The following ACER3 variants were observed in gnomAD, a reference collection of about 807,000 sequenced individuals.
ACER3 encodes alkaline ceramidase 3.
Under a neutral mutation model 48.9 loss-of-function variants are expected in ACER3, and 16 were observed. That is an observed-to-expected ratio of 0.33 (90% CI 0.22 to 0.50). The LOEUF is 0.50. Among genes scored for constraint, ACER3 ranks in the 20% least tolerant of loss-of-function variants. The probability of loss-of-function intolerance (pLI) is 0.98; values close to 1 mark genes in which losing one functional copy is unlikely to be tolerated. For synonymous variants in ACER3, 109 were observed against 107.8 expected, an observed-to-expected ratio of 1.01 and a Z score of -0.07; for missense variants, 227 against 326.0, an observed-to-expected ratio of 0.70 and a Z score of 2.34.
At chr11:77,019,614 C>T (rs1949437220) in intron 9 of ACER3, 117 bp from the exon 10 acceptor site, 2 of 893,682 alleles carry the variant, frequency 2.2e-6, no homozygotes, top group South Asian at 1.5e-5. Context: ...GAAGCATATA[C>T]TCATGTTGTT....
At chr11:76,931,090 G>A (rs1346298243) in intron 2 of ACER3, among the ~76,000 whole-genome samples, 8 of 141,530 alleles carry the variant, frequency 5.7e-5, no homozygotes, top group African/African-American at 1.9e-4. Context: ...TTATTATTGT[G>A]TGGGAGTCTA....
At chr11:76,989,953 G>C (rs997220251) in intron 5 of ACER3, among the ~76,000 whole-genome samples, 1 of 152,202 alleles carries the variant, frequency 6.6e-6, no homozygotes, top group Non-Finnish European at 1.5e-5. Context: ...GTGAGTTAGA[G>C]ATTTCTGGAA....
chr11:77,015,804 G>C (rs1044994672), intron 8 of ACER3, among the ~76,000 whole-genome samples: 1 of 152,032 alleles, frequency 6.6e-6, no homozygotes, highest in Non-Finnish European at 1.5e-5. Context: ...TGGTCTCTTC[G>C]ACAAATAAAT....
intron 6 of ACER3, among the ~76,000 whole-genome samples, chr11:76,992,454 A>G (rs542068629): frequency 6.6e-6 from 1 of 152,290 alleles, no homozygotes; most frequent in East Asian, 1.9e-4. Flanking sequence ...TGCAATATCC[A>G]TGTGTTTTTC....
chr11:76,881,025 G>A (rs78855492), intron 1 of ACER3, among the ~76,000 whole-genome samples: 2 of 151,990 alleles, frequency 1.3e-5, no homozygotes, highest in Non-Finnish European at 2.9e-5. Flanking sequence ...GGAGAGTGAG[G>A]TAGGCGGATT....
At chr11:76,990,318 T>G (rs1407516695) in intron 5 of ACER3, among the ~76,000 whole-genome samples, 1 of 152,142 alleles carries the variant, frequency 6.6e-6, no homozygotes, top group African/African-American at 2.4e-5. Flanking sequence ...ATCTAAAACA[T>G]TCGACTCACC....
intron 2 of ACER3, among the ~76,000 whole-genome samples, chr11:76,934,368 A>G (rs920357101): frequency 1.1e-4 from 17 of 152,216 alleles, no homozygotes; most frequent in Middle Eastern, 3.2e-3. Flanking sequence ...GCCAGCCGAG[A>G]TCACGCCACT....
chr11:76,949,632 G>T (rs376242282), intron 2 of ACER3, among the ~76,000 whole-genome samples: 3 of 152,068 alleles, frequency 2.0e-5, no homozygotes, highest in South Asian at 2.1e-4. Flanking sequence ...TTTGACATTT[G>T]TTCCTTTGAC....
chr11:76,956,554 A>G (rs957175307), intron 2 of ACER3, among the ~76,000 whole-genome samples: 5 of 152,188 alleles, frequency 3.3e-5, no homozygotes, highest in Admixed American at 6.5e-5. Context: ...AGGGAAAAAA[A>G]TCAGACTTTT....
Position 76,990,539 on chromosome 11 carries a change from G to T in ACER3, c.403G>T (p.Val135Phe). The change falls in exon 6 of 11, where the codon GTT becomes TTT. Residue 135 changes from valine (V) to phenylalanine (F), a missense_variant and splice_region_variant. Val to Phe is a conservative substitution (Grantham distance 50). Around this residue, in one of 3 missense-constraint regions of ACER3, gnomAD observed 195 missense variants for 290.8 expected, o/e 0.67. Transcript: ENST00000532485. Reference protein sequence around the residue: ...LVLFSLIVTTVYLKVKEPIFH... With the variant: ...LVLFSLIVTTFYLKVKEPIFH... The stretch of plus-strand genomic sequence containing the variant: ...ATGTGTTTTTTCTAATATTTTGCAG[G>T]TTTACCTTAAGGTAAAAGAGCCGAT... The T allele has an allele frequency of 6.6e-7, 1 of 1,505,432 alleles. No individual in the cohort carries two copies. The highest frequency in any genetic ancestry group is 9.2e-7 in the Non-Finnish European group (1 of 1,083,862). The allele number at this position is 1,505,432 out of a possible 1,614,324, so 93.3% of individuals were successfully genotyped here. A position where few individuals can be genotyped will look rare whatever the true frequency, so the allele number is the denominator to read the frequency against.
intron 1 of ACER3, among the ~76,000 whole-genome samples, chr11:76,910,261 A>G (rs908624545): frequency 2.6e-5 from 4 of 152,160 alleles, no homozygotes; most frequent in African/African-American, 9.7e-5. Flanking sequence ...GTCCCAGTAC[A>G]TAAAGTATAA....
chr11:76,935,155 G>C (rs1947141573), intron 2 of ACER3, among the ~76,000 whole-genome samples: 1 of 151,844 alleles, frequency 6.6e-6, no homozygotes, highest in African/African-American at 2.4e-5. Flanking sequence ...ATTTAATAGG[G>C]GCTGTTGTAG....
chr11:76,960,872 T>G (rs1947974830), intron 3 of ACER3, among the ~76,000 whole-genome samples: 1 of 152,150 alleles, frequency 6.6e-6, no homozygotes, highest in Non-Finnish European at 1.5e-5. Context: ...GGGGGTCATT[T>G]GACATGCGGT....
intron 1 of ACER3, among the ~76,000 whole-genome samples, chr11:76,914,875 G>A (rs11237012): frequency 0.051 from 7,698 of 152,222 alleles, 236 homozygotes; most frequent in Middle Eastern, 0.12. Flanking sequence ...CATAAAAAAA[G>A]GATGAGTTCG....
rs549461969 is a variant in ACER3 at position 76,908,097 on chromosome 11, A to G, written c.104-18460A>G. Among the ~76,000 whole-genome samples, 7 of 152,068 alleles carry G rather than the reference A, an allele frequency of 4.6e-5. No individual in the cohort carries two copies. In the East Asian group the frequency reaches 1.4e-3, roughly 30 times the overall value. ...CTAAAAATAAAAAAATTAACTGGGCATGGTGGCACATGCCTGTAATCCCAG... is the reference window on the plus strand; with the variant it reads ...CTAAAAATAAAAAAATTAACTGGGCGTGGTGGCACATGCCTGTAATCCCAG... On this transcript the variant is annotated intron_variant, in intron 1 of 10. Coordinates refer to ENST00000532485, the MANE Select transcript of ACER3 (RefSeq NM_018367.7).
intron 2 of ACER3, among the ~76,000 whole-genome samples, chr11:76,929,589 G>T (rs1946937480): frequency 6.6e-6 from 1 of 152,142 alleles, no homozygotes; most frequent in Non-Finnish European, 1.5e-5. Context: ...TATGATATTG[G>T]CTGTGGGTCT....
At chr11:76,973,794 T>TA (rs1004374779) in intron 3 of ACER3, among the ~76,000 whole-genome samples, 4 of 152,234 alleles carry the variant, frequency 2.6e-5, no homozygotes, top group East Asian at 1.9e-4. Flanking sequence ...GTATCATAGC[T>TA]AAAAAACTAT....
rs1591078657 is a variant in ACER3 at position 77,021,163 on chromosome 11, T to C, written c.*836T>C. 6.6e-6 allele frequency: 1 copy of C among 152,372 alleles called. No homozygotes were observed. The highest frequency in any genetic ancestry group is 3.4e-3 in the Middle Eastern group (1 of 294). 9.4% of individuals were successfully genotyped at this position (152,372 alleles called of 1,614,324 possible). A position where few individuals can be genotyped will look rare whatever the true frequency, so the allele number is the denominator to read the frequency against. ...GGTGGTCTAGACTACCCATAGTTCATCCTCCTCACATAACTTATTTGAAGT... is the reference window on the plus strand; with the variant it reads ...GGTGGTCTAGACTACCCATAGTTCACCCTCCTCACATAACTTATTTGAAGT... On this transcript the variant is annotated 3_prime_UTR_variant, in exon 11 of 11. Coordinates refer to ENST00000532485, the MANE Select transcript of ACER3 (RefSeq NM_018367.7).
At chr11:76,961,784 T>TACCAGAATCTCTGGGACACATTCAAAGCA (rs372493050) in intron 3 of ACER3, among the ~76,000 whole-genome samples, 10 of 147,098 alleles carry the variant, frequency 6.8e-5, no homozygotes, top group African/African-American at 2.6e-4. Context: ...AGATAATAAA[T>TACCAGAATCTCTGGGACACATTCAAAGCA]GATGTATTAA....
Sources: allele counts gnomAD v4.1 joint callset (sites outside exome capture counted in the v4.1 genomes callset), GRCh38; gene constraint gnomAD v4.1.1; regional missense constraint gnomAD v4.1.1; transcripts MANE v1.5; gene names NCBI Gene and HGNC (gene_info 2026-07-23, HGNC 2026-07-21).